The following EFR3A variants were observed in gnomAD, a reference collection of about 807,000 sequenced individuals.
The protein encoded by EFR3A is protein EFR3 homolog A.
A neutral mutation model predicts 104.4 loss-of-function variants in EFR3A; 76 were observed. The observed-to-expected ratio is 0.73, with a 90% CI of 0.60 to 0.88. The LOEUF is 0.88. Ranked by LOEUF, EFR3A falls within the 40% of genes least tolerant of loss-of-function variation. The pLI is 0.00. For missense variants in EFR3A, 985 were observed against 1,012.5 expected (o/e 0.97, Z 0.37); for synonymous variants, 330 against 330.0 (o/e 1.00, Z 0.00).
intron 1 of EFR3A, chr8:131,938,285 A>T: frequency 7.5e-6 from 3 of 398,044 alleles, no homozygotes. Context: ...ATTTACTTCA[A>T]CAAGGGAGTC....
At chr8:131,971,205 T>C (rs1820034308) in intron 10 of EFR3A, among the ~76,000 whole-genome samples, 1 of 152,204 alleles carries the variant, frequency 6.6e-6, no homozygotes. Context: ...GACCCAATAA[T>C]GTACTATATT....
At chr8:131,923,507 T>G (rs972327381) in intron 1 of EFR3A, among the ~76,000 whole-genome samples, 5 of 151,774 alleles carry the variant, frequency 3.3e-5, no homozygotes, top group Admixed American at 6.6e-5. Context: ...AGGGTGTTTT[T>G]TTTTTTTTTT....
Position 131,925,467 on chromosome 8 carries a change from A to G in EFR3A, c.11-15032A>G, listed in dbSNP as rs192001452. ...GGTAATGCATTGCACTCCATTTCCA[A>G]TCAATAATATGTGATGAGCATCCAG... On this transcript the variant is annotated intron_variant, in intron 1 of 22. Coordinates refer to ENST00000254624, the MANE Select transcript of EFR3A (RefSeq NM_015137.6). Among the ~76,000 whole-genome samples, 10 of 152,242 alleles carry G rather than the reference A, an allele frequency of 6.6e-5. No individual in the cohort carries two copies. The East Asian group carries it at 1.7e-3, about 26-fold the overall frequency.
intron 2 of EFR3A, among the ~76,000 whole-genome samples, chr8:131,943,770 A>C (rs1818282972): frequency 6.6e-6 from 1 of 151,878 alleles, no homozygotes; most frequent in South Asian, 2.1e-4. Context: ...GCTCAGTTAC[A>C]CCTGGTTAAG....
At chr8:131,950,179 C>A in intron 5 of EFR3A, 89 bp downstream of exon 5, 1 of 1,308,684 alleles carries the variant, frequency 7.6e-7, no homozygotes, top group Non-Finnish European at 1.0e-6. Context: ...CCAGAGGAAA[C>A]AATAATATGC....
At chr8:131,918,197 G>A (rs1816834676) in intron 1 of EFR3A, among the ~76,000 whole-genome samples, 1 of 152,200 alleles carries the variant, frequency 6.6e-6, no homozygotes, top group Non-Finnish European at 1.5e-5. Flanking sequence ...TGAAGCAGGA[G>A]AATCGCATGA....
At chr8:131,923,631 T>C (rs991552752) in intron 1 of EFR3A, among the ~76,000 whole-genome samples, 1 of 152,006 alleles carries the variant, frequency 6.6e-6, no homozygotes, top group East Asian at 1.9e-4. Flanking sequence ...ATAAAGTGTT[T>C]TATTTACCAA....
chr8:132,001,620 T>G, intron 19 of EFR3A, 139 bp from the exon 20 acceptor site: 2 of 679,004 alleles, frequency 2.9e-6, no homozygotes, highest in Non-Finnish European at 5.2e-6. Context: ...CTGTGGAGTA[T>G]AATCACAGCT....
At chr8:131,938,092 CAAGTT>C (rs1319828112) in intron 1 of EFR3A, 1 of 390,254 alleles carries the variant, frequency 2.6e-6, no homozygotes, top group African/African-American at 2.1e-5. Context: ...ATGTCAATGA[CAAGTT>C]AGGTAAGTTA....
chr8:131,932,695 A>G (rs1817667936), intron 1 of EFR3A, among the ~76,000 whole-genome samples: 1 of 152,136 alleles, frequency 6.6e-6, no homozygotes, highest in African/African-American at 2.4e-5. Flanking sequence ...TGGTTGAAAT[A>G]CACTCTATAA....
intron 18 of EFR3A, among the ~76,000 whole-genome samples, chr8:131,995,765 AAG>A (rs1390334052): frequency 6.6e-6 from 1 of 152,206 alleles, no homozygotes; most frequent in African/African-American, 2.4e-5. Context: ...GGGGGCACAA[AAG>A]TAGATTAGCT....
At chr8:131,914,939 A>G (rs1291774853) in intron 1 of EFR3A, among the ~76,000 whole-genome samples, 2 of 152,180 alleles carry the variant, frequency 1.3e-5, no homozygotes, top group African/African-American at 4.8e-5. Flanking sequence ...CAGTTTGCTA[A>G]GGATGATAGC....
chr8:131,979,491 T>A (rs1820495050), intron 14 of EFR3A, 70 bp downstream of exon 14: 1 of 1,101,300 alleles, frequency 9.1e-7, no homozygotes, highest in Non-Finnish European at 1.3e-6. Context: ...GGTGGTTTTA[T>A]ATTGATCTGT....
intron 1 of EFR3A, among the ~76,000 whole-genome samples, chr8:131,920,440 T>C (rs892645406): frequency 6.6e-6 from 1 of 152,196 alleles, no homozygotes; most frequent in African/African-American, 2.4e-5. Context: ...CTTTCTCACA[T>C]GTTCTTGTAT....
intron 1 of EFR3A, among the ~76,000 whole-genome samples, chr8:131,927,103 C>A (rs1817338622): frequency 6.6e-6 from 1 of 152,044 alleles, no homozygotes; most frequent in African/African-American, 2.4e-5. Context: ...AGCTTATAGA[C>A]CTCTGAGAAA....
rs546464977 is a variant in EFR3A, at chr8:131,975,139, G to GA, written c.1160-883dup. Among the ~76,000 whole-genome samples the GA allele has an allele frequency of 1.8e-3, 278 of 152,196 alleles. 2 individuals carry two copies. The highest frequency in any genetic ancestry group is 6.5e-3 in the African/African-American group (270 of 41,524). The stretch of plus-strand genomic sequence containing the variant: ...TATTCTCAGAAACTAGACTGCATAA[G>GA]AAAAATGACAAGTAAGTTATTTACT... On this transcript the variant is annotated intron_variant, in intron 10 of 22. Coordinates refer to ENST00000254624, the MANE Select transcript of EFR3A (RefSeq NM_015137.6).
At chr8:131,910,845 T>C (rs1816480658) in intron 1 of EFR3A, among the ~76,000 whole-genome samples, 1 of 152,056 alleles carries the variant, frequency 6.6e-6, no homozygotes, top group Non-Finnish European at 1.5e-5. Flanking sequence ...CATCCTATAG[T>C]GGGAGTAGAG....
chr8:131,945,866 A>T (rs1377956234), intron 3 of EFR3A, among the ~76,000 whole-genome samples: 1 of 152,038 alleles, frequency 6.6e-6, no homozygotes, highest in Non-Finnish European at 1.5e-5. Context: ...GCTGTTGAAC[A>T]TTAGAACTTA....
chr8:131,981,746 A>G (rs189540018), intron 14 of EFR3A, among the ~76,000 whole-genome samples: 2 of 152,116 alleles, frequency 1.3e-5, no homozygotes, highest in Non-Finnish European at 2.9e-5. Context: ...TTAAATTACT[A>G]CCCAGCCTAA....
Sources: gnomAD v4.1 joint callset for allele counts (sites outside exome capture counted in the v4.1 genomes callset) on GRCh38, gnomAD v4.1.1 for gene constraint, MANE v1.5 for transcripts, NCBI Gene and HGNC (gene_info 2026-07-23, HGNC 2026-07-21) for gene names.